LPP: variants seen among roughly 807,000 people sequenced by gnomAD.
LPP encodes the protein LIM domain containing preferred translocation partner in lipoma, also known as lipoma-preferred partner.
A neutral mutation model predicts 60.4 loss-of-function variants in LPP; 38 were observed. The observed-to-expected ratio is 0.63, with a 90% confidence interval of 0.49 to 0.83. The LOEUF (loss-of-function observed/expected upper bound fraction) is 0.83. Ranked by LOEUF, LPP falls within the 40% of genes least tolerant of loss-of-function variation. The pLI, the probability that LPP is intolerant of heterozygous loss-of-function variation, is 0.00. For missense variants in LPP, 902 were observed against 783.6 expected (o/e 1.15, Z -1.80); for synonymous variants, 328 against 290.8 (o/e 1.13, Z -1.30).
intron 3 of LPP, among the ~76,000 whole-genome samples, chr3:188,360,546 G>A (rs1768981481): frequency 6.6e-6 from 1 of 151,542 alleles, no homozygotes; most frequent in Non-Finnish European, 1.5e-5. Context: ...TTGTGGAGAT[G>A]GGGTCTCACT....
At chr3:188,731,339 A>G (rs1310578058) in intron 8 of LPP, among the ~76,000 whole-genome samples, 1 of 152,088 alleles carries the variant, frequency 6.6e-6, no homozygotes, top group Non-Finnish European at 1.5e-5. Context: ...CACTGTGGGA[A>G]AGATCATTCG....
At chr3:188,626,945 C>G (rs1846960640) in intron 7 of LPP, among the ~76,000 whole-genome samples, 1 of 151,772 alleles carries the variant, frequency 6.6e-6, no homozygotes, top group Non-Finnish European at 1.5e-5. Flanking sequence ...CTATGAAATA[C>G]CTCAAAAATC....
In LPP at chr3:188,681,283, C is replaced by T. The variant is rs568368123; in HGVS notation, c.1114-26984C>T. 2.4e-4 allele frequency among the ~76,000 whole-genome samples: 37 copies of T among 152,230 alleles called. 1 individual carries two copies. In the South Asian group the frequency reaches 6.4e-3, roughly 26 times the overall value. ...TGTTGGGATTACAGGCGTGAGCCAC[C>T]GCACCCGGCCGCATTTCCCTTTTGT... On this transcript the variant is annotated intron_variant, in intron 7 of 11. Transcript: ENST00000617246.
intron 1 of LPP, among the ~76,000 whole-genome samples, chr3:188,177,620 C>T (rs939746350): frequency 3.3e-5 from 5 of 152,038 alleles, no homozygotes; most frequent in African/African-American, 4.8e-5. Flanking sequence ...TTAGGTCTTA[C>T]GTGAGCCTCA....
intron 9 of LPP, among the ~76,000 whole-genome samples, chr3:188,840,006 C>T (rs931454852): frequency 2.0e-5 from 3 of 152,024 alleles, no homozygotes; most frequent in African/African-American, 7.2e-5. Flanking sequence ...TATAAAAATG[C>T]ATCAATCCAG....
At chr3:188,698,504 C>T (rs1412791331) in intron 7 of LPP, among the ~76,000 whole-genome samples, 1 of 151,948 alleles carries the variant, frequency 6.6e-6, no homozygotes, top group Non-Finnish European at 1.5e-5. Flanking sequence ...AACTCGCTTT[C>T]TCCTTTACGG....
chr3:188,350,533 C>G (rs768802096), intron 3 of LPP, among the ~76,000 whole-genome samples: 1 of 152,090 alleles, frequency 6.6e-6, no homozygotes, highest in Admixed American at 6.6e-5. Context: ...TTTGGTGAAC[C>G]CTAGACTCTA....
At chr3:188,598,446 T>C (rs563416716) in intron 6 of LPP, among the ~76,000 whole-genome samples, 8 of 152,112 alleles carry the variant, frequency 5.3e-5, no homozygotes, top group African/African-American at 2.4e-5. Context: ...AATAAGTTAA[T>C]AGAAGTAGAA....
intron 6 of LPP, among the ~76,000 whole-genome samples, chr3:188,582,767 G>T (rs1435995968): frequency 2.0e-5 from 3 of 152,100 alleles, no homozygotes; most frequent in Non-Finnish European, 4.4e-5. Context: ...CTCCAATGTT[G>T]TTCGGTATGT....
Position 188,610,625 on chromosome 3 carries a change from T to C in LPP, c.1113+781T>C, listed in dbSNP as rs541002597. On this transcript the variant is annotated intron_variant, in intron 7 of 11. Transcript: ENST00000617246. This position sits in a 1 kb window ranked among gnomAD's most constrained non-coding sequence, Gnocchi z 4.4. ...AGTTACTTCTTATTTGATTTAATTG[T>C]CCATATGTGGACCTTTTAAGTTAAC... 3.3e-5 allele frequency among the ~76,000 whole-genome samples: 5 copies of C among 152,348 alleles called. No homozygotes were observed. Among genetic ancestry groups the C allele is most frequent in the Non-Finnish European group, 5.9e-5 (4 of 68,030 alleles).
chr3:188,868,291 A>G (rs1767182495), intron 10 of LPP, among the ~76,000 whole-genome samples: 1 of 152,202 alleles, frequency 6.6e-6, no homozygotes, highest in Non-Finnish European at 1.5e-5. Context: ...CCCCTCAATT[A>G]AAACAGGAAA....
intron 3 of LPP, among the ~76,000 whole-genome samples, chr3:188,401,428 T>A (rs1173504490): frequency 6.6e-6 from 1 of 152,204 alleles, no homozygotes; most frequent in African/African-American, 2.4e-5. Flanking sequence ...TCCAGTTTTC[T>A]TTTATTTACT....
At chr3:188,277,912 T>C (rs547964944) in intron 2 of LPP, among the ~76,000 whole-genome samples, 3 of 152,168 alleles carry the variant, frequency 2.0e-5, no homozygotes, top group Non-Finnish European at 4.4e-5. Context: ...ATGGGGCCAG[T>C]GATGACCCTT....
chr3:188,445,642 A>C (rs1795054941), intron 4 of LPP, among the ~76,000 whole-genome samples: 1 of 152,122 alleles, frequency 6.6e-6, no homozygotes. Flanking sequence ...TATAATTTAA[A>C]AAAAAAAAGT....
intron 8 of LPP, among the ~76,000 whole-genome samples, chr3:188,735,407 G>T (rs1302625513): frequency 6.6e-6 from 1 of 151,772 alleles, no homozygotes; most frequent in East Asian, 1.9e-4. Flanking sequence ...TTGAGACGAA[G>T]TCTTGCTCTC....
rs1769858975 is a variant in LPP at position 188,880,657 on chromosome 3, G to A, written c.*6178G>A. ...AGAAATCCTTATTCATTTAACTCTGGTGGGCATTTATGTAACATACCCAAA... is the reference window on the plus strand; with the variant it reads ...AGAAATCCTTATTCATTTAACTCTGATGGGCATTTATGTAACATACCCAAA... On this transcript the variant is annotated 3_prime_UTR_variant, in exon 12 of 12. Transcript: ENST00000617246. The A allele has an allele frequency of 5.4e-6, 1 of 186,866 alleles. No individual in the cohort carries two copies. 11.6% of individuals were successfully genotyped at this position (186,866 alleles called of 1,614,324 possible).
At chr3:188,295,357 G>A (rs1181982195) in intron 2 of LPP, among the ~76,000 whole-genome samples, 1 of 152,162 alleles carries the variant, frequency 6.6e-6, no homozygotes, top group African/African-American at 2.4e-5. Flanking sequence ...TCTGGGCCTT[G>A]TAATTCTAAC....
chr3:188,359,946 C>T (rs200693162), intron 3 of LPP, among the ~76,000 whole-genome samples: 1 of 152,194 alleles, frequency 6.6e-6, no homozygotes, highest in South Asian at 2.1e-4. Context: ...TTGCACTGCT[C>T]TGCCCACATT....
At chr3:188,570,188 G>A (rs991971479) in intron 6 of LPP, among the ~76,000 whole-genome samples, 2 of 152,000 alleles carry the variant, frequency 1.3e-5, no homozygotes, top group African/African-American at 4.8e-5. Flanking sequence ...GCAGTCATTG[G>A]TCAAAGGCAT....
Sources: allele counts gnomAD v4.1 joint callset (sites outside exome capture counted in the v4.1 genomes callset), GRCh38; gene constraint gnomAD v4.1.1; non-coding constraint Gnocchi (gnomAD v3.1); transcripts MANE v1.5; gene names NCBI Gene and HGNC (gene_info 2026-07-23, HGNC 2026-07-21).